DNAAF6: variants seen among roughly 807,000 people sequenced by gnomAD.
DNAAF6 encodes PIH1 domain containing 3.
In DNAAF6, 3 loss-of-function variants were observed where a neutral mutation model predicts 13.7. The ratio of observed to expected loss-of-function variants is 0.22; its 90% CI spans 0.10 to 0.56. The LOEUF (loss-of-function observed/expected upper bound fraction) is 0.56. Among genes scored for constraint, DNAAF6 ranks in the 20% least tolerant of loss-of-function variants. The pLI, the probability that DNAAF6 is intolerant of heterozygous loss-of-function variation, is 0.92. For synonymous variants in DNAAF6, 54 were observed against 49.2 expected, an observed-to-expected ratio of 1.10 and a Z score of -0.41; for missense variants, 130 against 151.0, an observed-to-expected ratio of 0.86 and a Z score of 0.73.
chrX:107,242,045 G>A (rs1448073776), intron 6 of DNAAF6, among the ~76,000 whole-genome samples: 1 of 111,820 alleles, frequency 8.9e-6, no homozygotes. Context: ...GACTCTACAC[G>A]GTTTTTGCAC....
At chrX:107,214,655 C>T (rs1257979484) in intron 2 of DNAAF6, among the ~76,000 whole-genome samples, 2 of 111,861 alleles carry the variant, frequency 1.8e-5, no homozygotes, top group Non-Finnish European at 3.8e-5. Flanking sequence ...GTCATTCAGA[C>T]ACCACAGTAC....
chrX:107,207,541 CCTT>C (rs953985046), intron 1 of DNAAF6: 3 of 111,610 alleles, frequency 2.7e-5, no homozygotes, highest in African/African-American at 9.8e-5. Context: ...AGTCATTACT[CCTT>C]AAGAGCTTCT....
chrX:107,209,229 G>A (rs1261772708), intron 1 of DNAAF6, among the ~76,000 whole-genome samples: 1 of 109,588 alleles, frequency 9.1e-6, no homozygotes, highest in Non-Finnish European at 1.9e-5. Context: ...GCTAAATAAG[G>A]CACTATATAA....
intron 6 of DNAAF6, among the ~76,000 whole-genome samples, chrX:107,239,829 A>G (rs2147838760): frequency 8.9e-6 from 1 of 112,079 alleles, no homozygotes; most frequent in Admixed American, 9.5e-5. Flanking sequence ...TCACAGAACA[A>G]TCATCTCATG....
At chrX:107,242,059 CT>C (rs1057211223) in intron 6 of DNAAF6, among the ~76,000 whole-genome samples, 4 of 110,951 alleles carry the variant, frequency 3.6e-5, no homozygotes, top group South Asian at 3.8e-4. Flanking sequence ...TTTGCACTCA[CT>C]TTTTTTTTCC....
chrX:107,220,907 CTT>C (rs1200028277), intron 4 of DNAAF6, among the ~76,000 whole-genome samples: 7 of 10,322 alleles, frequency 6.8e-4, no homozygotes, highest in African/African-American at 1.6e-3. Flanking sequence ...TTCTCCCTTT[CTT>C]TCTTTCTTTC....
intron 4 of DNAAF6, among the ~76,000 whole-genome samples, chrX:107,220,673 G>T (rs1408801540): frequency 8.9e-6 from 1 of 111,804 alleles, no homozygotes; most frequent in Non-Finnish European, 1.9e-5. Context: ...GAATAACAAG[G>T]AGCTGAGCTA....
chrX:107,213,585 T>C (rs1002806039), intron 2 of DNAAF6, among the ~76,000 whole-genome samples: 4 of 111,999 alleles, frequency 3.6e-5, no homozygotes, highest in African/African-American at 1.3e-4. Context: ...GGGGTCAAGA[T>C]AGGTAATGCC....
intron 6 of DNAAF6, among the ~76,000 whole-genome samples, chrX:107,242,246 T>A (rs1324374460): frequency 8.9e-6 from 1 of 112,436 alleles, no homozygotes; most frequent in Non-Finnish European, 1.9e-5. Flanking sequence ...TCTTCTGAAC[T>A]CAGGTTTTTG....
intron 3 of DNAAF6, among the ~76,000 whole-genome samples, chrX:107,217,793 G>A (rs926718384): frequency 8.9e-6 from 1 of 111,890 alleles, no homozygotes; most frequent in African/African-American, 3.2e-5. Flanking sequence ...TGGCTAAAAT[G>A]AGGTCTAAGG....
chrX:107,241,822 G>A (rs911857778), intron 6 of DNAAF6, among the ~76,000 whole-genome samples: 2 of 111,564 alleles, frequency 1.8e-5, no homozygotes, highest in Non-Finnish European at 3.8e-5. Flanking sequence ...GCCACTAACT[G>A]TCTCTTTTGA....
At chrX:107,210,615 C>T (rs780218966) in intron 1 of DNAAF6, among the ~76,000 whole-genome samples, 47 of 109,676 alleles carry the variant, frequency 4.3e-4, no homozygotes, top group Admixed American at 5.9e-4. Flanking sequence ...GTCGGGGTTT[C>T]GCTATGTTGC....
intron 1 of DNAAF6, among the ~76,000 whole-genome samples, chrX:107,212,411 C>T (rs1294015754): frequency 9.0e-6 from 1 of 111,335 alleles, no homozygotes; most frequent in African/African-American, 3.3e-5. Context: ...GGCCAGCGTC[C>T]TTCTTCACTT....
At position 107,244,125 on chromosome X, in the gene DNAAF6, G is replaced by T. The variant is rs1000915571; in HGVS notation, c.*827G>T. ...GCTTTTAATGCTTGGATATAGTTAG[G>T]TTAAAAACATTTTTTATATGCACTA... On this transcript the variant is annotated 3_prime_UTR_variant, in exon 7 of 7. Coordinates refer to ENST00000372453, the MANE Select transcript of DNAAF6 (RefSeq NM_173494.2). The T allele has an allele frequency of 7.1e-5, 8 of 112,241 alleles. No homozygotes were observed. The highest frequency in any genetic ancestry group is 1.9e-4 in the African/African-American group (6 of 30,814). 9.2% of individuals were successfully genotyped at this position (112,241 alleles called of 1,213,427 possible).
intron 4 of DNAAF6, among the ~76,000 whole-genome samples, chrX:107,220,180 T>C (rs1304499939): frequency 8.9e-6 from 1 of 112,223 alleles, no homozygotes; most frequent in East Asian, 2.8e-4. Context: ...ACAGAAGCAG[T>C]GGGAGACTGC....
chrX:107,228,740 C>G (rs6616636), intron 5 of DNAAF6, among the ~76,000 whole-genome samples: 1 of 111,047 alleles, frequency 9.0e-6, no homozygotes, highest in Non-Finnish European at 1.9e-5. Context: ...TTCAGCCTCT[C>G]TGGTAGCTAG....
rs780433586 is a variant in DNAAF6 at position 107,238,931 on chromosome X, A to G, written c.439A>G (p.Lys147Glu). ...GCCSELVAKI[K>E]LPNTNPSDIQ... is the part of the protein sequence containing the mutation. ...TCATTTTCTCTTTCAGGCTAAAATT[A>G]AATTGCCAAATACAAACCCTTCTGA... is the stretch of plus-strand genomic sequence containing the variant. Residue 147 changes from lysine to glutamate, a missense_variant, in exon 6 of 7, where the codon AAA (lysine) becomes GAA (glutamate). By Grantham distance (56) the Lys-to-Glu change is moderately conservative. Transcript: ENST00000372453. 6 of 1,205,946 alleles carry G rather than the reference A, an allele frequency of 5.0e-6. No homozygotes were observed. In the East Asian group the frequency reaches 1.5e-4, roughly 30 times the overall value.
chrX:107,235,782 TG>T (rs112852356), intron 5 of DNAAF6, among the ~76,000 whole-genome samples: 8,803 of 106,324 alleles, frequency 0.083, 658 homozygotes, highest in African/African-American at 0.23. Flanking sequence ...AATTATAAAT[TG>T]GGGGGGGGAG....
At chrX:107,227,028 A>T (rs188216983) in intron 5 of DNAAF6, among the ~76,000 whole-genome samples, 28 of 112,077 alleles carry the variant, frequency 2.5e-4, no homozygotes, top group African/African-American at 8.7e-4. Flanking sequence ...TCCTCTAAGA[A>T]TTCACTTGCT....
Sources: allele counts gnomAD v4.1 joint callset (sites outside exome capture counted in the v4.1 genomes callset), GRCh38; gene constraint gnomAD v4.1.1; transcripts MANE v1.5; gene names NCBI Gene and HGNC (gene_info 2026-07-23, HGNC 2026-07-21).